The following PNMA6F variants were observed in gnomAD, a reference collection of about 807,000 sequenced individuals.
PNMA6F encodes PNMA family member 6F.
For missense variants in PNMA6F, 57 were observed against 10.8 expected, an observed-to-expected ratio of 5.25 and a Z score of -5.98; for synonymous variants, 14 against 3.4, an observed-to-expected ratio of 4.15 and a Z score of -3.45.
At position 153,320,215 on chromosome X, in the gene PNMA6F, C is replaced by T; in HGVS notation, c.460G>A (p.Gly154Ser). Reference sequence around the variant, plus strand: ...CCTGCTGCTCCTGCCTCACCTACACCTCCTGCCTCACCTATACCTCCTGCC... The same window carrying T: ...CCTGCTGCTCCTGCCTCACCTACACTTCCTGCCTCACCTATACCTCCTGCC... The part of the protein sequence containing the change: ...DEAGGIGEAG[G>S]VGEAGAAGEA... The change falls in exon 2 of 2, where the codon GGT becomes AGT. Residue 154 changes from glycine to serine, a missense_variant. Coordinates refer to ENST00000436629, the MANE Select transcript of PNMA6F (RefSeq NM_001354980.2). The T allele has an allele frequency of 2.9e-6, 1 of 346,815 alleles. No individual in the cohort carries two copies. Among genetic ancestry groups the T allele is most frequent in the Non-Finnish European group, 4.9e-6 (1 of 202,466 alleles). 28.6% of individuals were successfully genotyped at this position (346,815 alleles called of 1,213,427 possible).
In PNMA6F at chrX:153,320,599, A is replaced by C. The variant is rs1177209278; in HGVS notation, c.76T>G (p.Cys26Gly). The C allele has an allele frequency of 3.4e-6, 1 of 295,726 alleles. No homozygotes were observed. Among genetic ancestry groups the C allele is most frequent in the African/African-American group, 2.8e-5 (1 of 36,206 alleles). The allele number at this position is 295,726 out of a possible 1,213,427, so 24.4% of individuals were successfully genotyped here. A position where few individuals can be genotyped will look rare whatever the true frequency, so the allele number is the denominator to read the frequency against. ...GCCTCCTGGAACTCATGTTCCTCGC[A>C]GTCGTCAGGGATATCCAGGATGAGC... ...SLLILDIPDD[C>G]EEHEFQEAVR... is the part of the protein sequence containing the mutation. Residue 26 changes from cysteine (C) to glycine (G), a missense_variant, in exon 2 of 2, where the codon TGC (cysteine) becomes GGC (glycine). Cys to Gly is a radical substitution (Grantham distance 159). Coordinates refer to ENST00000436629, the MANE Select transcript of PNMA6F (RefSeq NM_001354980.2).
rs1407404206 is a variant in PNMA6F at position 153,319,657 on chromosome X, G to A, written c.1018C>T (p.Arg340Trp). The change falls in exon 2 of 2, where the codon CGG becomes TGG. Residue 340 changes from arginine (R) to tryptophan (W), a missense_variant. Coordinates refer to ENST00000436629, the MANE Select transcript of PNMA6F (RefSeq NM_001354980.2). ...TGCGTGCAGGTCAGGAACTTCATCCGCGAGGTCATCCATGTATCCCGGCTC... is the reference window on the plus strand; with the variant it reads ...TGCGTGCAGGTCAGGAACTTCATCCACGAGGTCATCCATGTATCCCGGCTC... The part of the protein sequence containing the change: ...FRSRDTWMTS[R>W]MKFLTCTQGP... 6 of 297,037 alleles carry A rather than the reference G, an allele frequency of 2.0e-5. No individual in the cohort carries two copies. The highest frequency in any genetic ancestry group is 4.8e-5 in the East Asian group (1 of 21,017). 24.5% of individuals were successfully genotyped at this position (297,037 alleles called of 1,213,427 possible).
rs1318954631 is a variant in PNMA6F, at chrX:153,319,895, C to T, written c.780G>A (p.Glu260=). The T allele has an allele frequency of 3.3e-6, 1 of 303,775 alleles. No homozygotes were observed. Among genetic ancestry groups the T allele is most frequent in the East Asian group, 4.7e-5 (1 of 21,111 alleles). 25.0% of individuals were successfully genotyped at this position (303,775 alleles called of 1,213,427 possible). The change falls in exon 2 of 2, where the codon GAG becomes GAA. Residue 260 remains glutamate (E), a synonymous_variant. Transcript: ENST00000436629. The part of the protein sequence containing the change: ...YRELRPFSGR[E]QPGCVEESFE... The stretch of plus-strand genomic sequence containing the variant: ...AGGACTCTTCCACGCAGCCTGGCTG[C>T]TCCCTCCCGGAAAAGGGTCTCAGTT...
Position 153,320,247 on chromosome X carries a change from T to C in PNMA6F, c.428A>G (p.Glu143Gly). ...GGVNEERSAG[E>G]DEAGGIGEAG... is the part of the protein sequence containing the mutation. ...CTCACCTATACCTCCTGCCTCATCT[T>C]CACCTGCAGATCTTTCCTCATTCAC... is the stretch of plus-strand genomic sequence containing the variant. Residue 143 changes from glutamate (E) to glycine (G), a missense_variant, in exon 2 of 2, where the codon GAA becomes GGA. Glu to Gly is a moderately conservative substitution (Grantham distance 98). Coordinates refer to ENST00000436629, the MANE Select transcript of PNMA6F (RefSeq NM_001354980.2). The C allele has an allele frequency of 3.0e-6, 1 of 328,902 alleles. No individual in the cohort carries two copies. Among genetic ancestry groups the C allele is most frequent in the Middle Eastern group, 8.2e-4 (1 of 1,224 alleles). 27.1% of individuals were successfully genotyped at this position (328,902 alleles called of 1,213,427 possible).
Position 153,318,314 on chromosome X carries a change from C to G in PNMA6F, c.*624G>C, listed in dbSNP as rs1428957262. On this transcript the variant is annotated 3_prime_UTR_variant, in exon 2 of 2. Transcript: ENST00000436629. Reference sequence around the variant, plus strand: ...GGAGCTGCTCAGAGAAGAACACACACAGCTCCACGAGAACAAGCAGCCCCT... The same window carrying G: ...GGAGCTGCTCAGAGAAGAACACACAGAGCTCCACGAGAACAAGCAGCCCCT... The G allele has an allele frequency of 8.2e-6, 1 of 121,652 alleles. No individual in the cohort carries two copies. The highest frequency in any genetic ancestry group is 1.9e-5 in the Non-Finnish European group (1 of 52,862). 10.0% of individuals were successfully genotyped at this position (121,652 alleles called of 1,213,427 possible).
rs2051978239 is a variant in PNMA6F, at chrX:153,319,303, G to A, written c.1372C>T (p.Gln458Ter). Residue 458 changes from glutamine (Q) to a stop codon, truncating the protein, a stop_gained, in exon 2 of 2, where the codon CAG becomes TAG. Coordinates refer to ENST00000436629, the MANE Select transcript of PNMA6F (RefSeq NM_001354980.2). LOFTEE classifies it low-confidence loss of function (END_TRUNC). The stretch of plus-strand genomic sequence containing the variant: ...GGATCAGCCTCGCTGGCGTCCCCCT[G>A]GGCCGGGGAGGCCTGGGCAGCAGCT... ...DPAAAQASPA[Q>*]GDASEADPGA... is the part of the protein sequence containing the mutation. 1 of 297,244 alleles carries A rather than the reference G, an allele frequency of 3.4e-6. No homozygotes were observed. The highest frequency in any genetic ancestry group is 2.7e-5 in the African/African-American group (1 of 36,861). The allele number at this position is 297,244 out of a possible 1,213,427, so 24.5% of individuals were successfully genotyped here. A position where few individuals can be genotyped will look rare whatever the true frequency, so the allele number is the denominator to read the frequency against.
In PNMA6F at chrX:153,319,368, C is replaced by A. The variant is rs1416597175; in HGVS notation, c.1307G>T (p.Gly436Val). ...WAASLARSQQGVAWAAAPVES... is the reference protein window; with the variant it reads ...WAASLARSQQVVAWAAAPVES... Reference sequence around the variant, plus strand: ...CACTGGGGCCGCTGCCCAGGCCACACCCTGCTGGCTCCTTGCTAGGGAGGC... The same window carrying A: ...CACTGGGGCCGCTGCCCAGGCCACAACCTGCTGGCTCCTTGCTAGGGAGGC... Residue 436 changes from glycine (G) to valine (V), a missense_variant, in exon 2 of 2, where the codon GGT becomes GTT. Gly to Val is a moderately radical substitution (Grantham distance 109, BLOSUM62 -3). Transcript: ENST00000436629. The A allele has an allele frequency of 3.4e-6, 1 of 297,042 alleles. No homozygotes were observed. The highest frequency in any genetic ancestry group is 2.7e-5 in the African/African-American group (1 of 36,789). The allele number at this position is 297,042 out of a possible 1,213,427, so 24.5% of individuals were successfully genotyped here.
rs1180362744 is a variant in PNMA6F at position 153,320,620 on chromosome X, T to C, written c.55A>G (p.Ile19Val). Residue 19 changes from isoleucine (I) to valine (V), a missense_variant, in exon 2 of 2, where the codon ATC (isoleucine) becomes GTC (valine). By Grantham distance (29) the Ile-to-Val change is conservative. Transcript: ENST00000436629. ...MGVNAERSLL[I>V]LDIPDDCEEH... ...TCGCAGTCGTCAGGGATATCCAGGA[T>C]GAGCAGAGAGCGCTCTGCGTTCACA... is the stretch of plus-strand genomic sequence containing the variant. 1 of 295,767 alleles carries C rather than the reference T, an allele frequency of 3.4e-6. No individual in the cohort carries two copies. 24.4% of individuals were successfully genotyped at this position (295,767 alleles called of 1,213,427 possible). A position where few individuals can be genotyped will look rare whatever the true frequency, so the allele number is the denominator to read the frequency against.
At position 153,318,705 on chromosome X, in the gene PNMA6F, G is replaced by A. The variant is rs888396362; in HGVS notation, c.*233C>T. On this transcript the variant is annotated 3_prime_UTR_variant, in exon 2 of 2. Transcript: ENST00000436629. ...CCCAACACAGGACAAGGGGTGGGGG[G>A]CAGACATCTTCAGGCTGGCCGCTCA... 7 of 272,191 alleles carry A rather than the reference G, an allele frequency of 2.6e-5. No individual in the cohort carries two copies. Among genetic ancestry groups the A allele is most frequent in the African/African-American group, 1.4e-4 (5 of 36,335 alleles). The allele number at this position is 272,191 out of a possible 1,213,427, so 22.4% of individuals were successfully genotyped here.
At position 153,317,922 on chromosome X, in the gene PNMA6F, G is replaced by A. The variant is rs4828767; in HGVS notation, c.*1016C>T. On this transcript the variant is annotated 3_prime_UTR_variant, in exon 2 of 2. Transcript: ENST00000436629. Reference sequence around the variant, plus strand: ...AGGGTCCGCCTCTTGCCAGGATGGTGGACTCTGGCAGTGTCCACTGGCTTC... The same window carrying A: ...AGGGTCCGCCTCTTGCCAGGATGGTAGACTCTGGCAGTGTCCACTGGCTTC... 0.14 allele frequency: 12,861 copies of A among 94,630 alleles called. 1,994 individuals carry two copies. Among genetic ancestry groups the A allele is most frequent in the Non-Finnish European group, 0.19 (7,661 of 39,736 alleles). The allele number at this position is 94,630 out of a possible 1,213,427, so 7.8% of individuals were successfully genotyped here. A position where few individuals can be genotyped will look rare whatever the true frequency, so the allele number is the denominator to read the frequency against.
In PNMA6F at chrX:153,319,359, C is replaced by G. The variant is rs2124188766; in HGVS notation, c.1316G>C (p.Trp439Ser). The G allele has an allele frequency of 6.7e-6, 2 of 297,045 alleles. No individual in the cohort carries two copies. Among genetic ancestry groups the G allele is most frequent in the Middle Eastern group, 8.8e-4 (1 of 1,133 alleles). The allele number at this position is 297,045 out of a possible 1,213,427, so 24.5% of individuals were successfully genotyped here. A position where few individuals can be genotyped will look rare whatever the true frequency, so the allele number is the denominator to read the frequency against. ...SLARSQQGVA[W>S]AAAPVESEDP... ...TTCACTCTCCACTGGGGCCGCTGCC[C>G]AGGCCACACCCTGCTGGCTCCTTGC... The change falls in exon 2 of 2, where the codon TGG becomes TCG. Residue 439 changes from tryptophan to serine, a missense_variant. Physicochemically the swap from Trp to Ser is radical, Grantham distance 177. Transcript: ENST00000436629.
chrX:153,318,940 AT>A lies in PNMA6F; in HGVS notation c.1734del (p.Lys578AsnfsTer4), dbSNP rs1569527422. 2 of 298,905 alleles carry A rather than the reference AT, an allele frequency of 6.7e-6. No individual in the cohort carries two copies. Among genetic ancestry groups the A allele is most frequent in the African/African-American group, 2.7e-5 (1 of 36,873 alleles). The allele number at this position is 298,905 out of a possible 1,213,427, so 24.6% of individuals were successfully genotyped here. A position where few individuals can be genotyped will look rare whatever the true frequency, so the allele number is the denominator to read the frequency against. On this transcript the variant is annotated frameshift_variant, in exon 2 of 2. Coordinates refer to ENST00000436629, the MANE Select transcript of PNMA6F (RefSeq NM_001354980.2). LOFTEE classifies it high-confidence loss of function. ...EAGKPKSPPG[K>X] ...GGAGCCCTCAGGGCCCTCAGAGCCTATTTGCCCGGGGGGGACTTGGGCTTGC... is the reference window on the plus strand; with the variant it reads ...GGAGCCCTCAGGGCCCTCAGAGCCTATTGCCCGGGGGGGACTTGGGCTTGC...
In PNMA6F at chrX:153,318,923, C is replaced by G. The variant is rs1325636718; in HGVS notation, c.*15G>C. On this transcript the variant is annotated 3_prime_UTR_variant, in exon 2 of 2. Coordinates refer to ENST00000436629, the MANE Select transcript of PNMA6F (RefSeq NM_001354980.2). ...TGCTGCCTGAGAGGAGAGGAGCCCT[C>G]AGGGCCCTCAGAGCCTATTTGCCCG... 5 of 298,819 alleles carry G rather than the reference C, an allele frequency of 1.7e-5. No homozygotes were observed. The highest frequency in any genetic ancestry group is 2.9e-5 in the Non-Finnish European group (5 of 171,303). 24.6% of individuals were successfully genotyped at this position (298,819 alleles called of 1,213,427 possible).
rs1365472694 is a variant in PNMA6F at position 153,319,119 on chromosome X, C to G, written c.1556G>C (p.Ser519Thr). Residue 519 changes from serine to threonine, a missense_variant, in exon 2 of 2, where the codon AGT becomes ACT. By Grantham distance (58) the Ser-to-Thr change is moderately conservative. Coordinates refer to ENST00000436629, the MANE Select transcript of PNMA6F (RefSeq NM_001354980.2). Reference sequence around the variant, plus strand: ...ACCTCCTGGGGCCATGTCGACTGCACTGCCCATCCTGGCTGGGAGGCCCCC... The same window carrying G: ...ACCTCCTGGGGCCATGTCGACTGCAGTGCCCATCCTGGCTGGGAGGCCCCC... ...APGGLPARMG[S>T]AVDMAPGGPS... The G allele has an allele frequency of 6.7e-6, 2 of 298,484 alleles. No individual in the cohort carries two copies. The highest frequency in any genetic ancestry group is 1.2e-5 in the Non-Finnish European group (2 of 170,920). The allele number at this position is 298,484 out of a possible 1,213,427, so 24.6% of individuals were successfully genotyped here. A position where few individuals can be genotyped will look rare whatever the true frequency, so the allele number is the denominator to read the frequency against.
At chrX:153,320,846 C>A in intron 1 of PNMA6F, 89 bp from the exon 2 acceptor site, 1 of 285,082 alleles carries the variant, frequency 3.5e-6, no homozygotes, top group Non-Finnish European at 6.1e-6. Flanking sequence ...CCAAGCACTG[C>A]AGCAGCCAGG....
chrX:153,320,936 C>T (rs1385117474), intron 1 of PNMA6F, among the ~76,000 whole-genome samples, 179 bp from the exon 2 acceptor site: 1 of 107,967 alleles, frequency 9.3e-6, no homozygotes, highest in African/African-American at 3.4e-5. Flanking sequence ...CCTTGGCACA[C>T]ACCCACCACC....
At position 153,319,086 on chromosome X, in the gene PNMA6F, C is replaced by T. The variant is rs782233913; in HGVS notation, c.1589G>A (p.Trp530Ter). 63 of 304,145 alleles carry T rather than the reference C, an allele frequency of 2.1e-4. No homozygotes were observed. In the South Asian group the frequency reaches 9.1e-3, roughly 44 times the overall value. 25.1% of individuals were successfully genotyped at this position (304,145 alleles called of 1,213,427 possible). The stretch of plus-strand genomic sequence containing the variant: ...AACCTGGACAAGGCCCTCTGGCTCC[C>T]AGCTGGGACCTCCTGGGGCCATGTC... ...AVDMAPGGPS[W>*]EPEGLVQVGG... Residue 530 changes from tryptophan (W) to a stop codon, truncating the protein, a stop_gained, in exon 2 of 2, where the codon TGG becomes TAG. Transcript: ENST00000436629. LOFTEE classifies it low-confidence loss of function (END_TRUNC).
Position 153,318,100 on chromosome X carries a change from C to T in PNMA6F, c.*838G>A, listed in dbSNP as rs181036339. ...TAGAACACCAAAGCACAAAGCTCCC[C>T]GGGGAGCCTCAGGCAGGGCAGCTCT... is the stretch of plus-strand genomic sequence containing the variant. On this transcript the variant is annotated 3_prime_UTR_variant, in exon 2 of 2. Coordinates refer to ENST00000436629, the MANE Select transcript of PNMA6F (RefSeq NM_001354980.2). The T allele has an allele frequency of 1.0e-3, 119 of 117,054 alleles. No individual in the cohort carries two copies. Among genetic ancestry groups the T allele is most frequent in the African/African-American group, 3.7e-3 (115 of 30,804 alleles). The allele number at this position is 117,054 out of a possible 1,213,427, so 9.6% of individuals were successfully genotyped here.
At chrX:153,321,516 C>G (rs782082254) in intron 1 of PNMA6F, 36 bp downstream of exon 1, 1 of 103,540 alleles carries the variant, frequency 9.7e-6, no homozygotes, top group Non-Finnish European at 2.0e-5. Context: ...CCAGGGCGCC[C>G]GCGGTCACTC....
Sources: gnomAD v4.1 joint callset for allele counts (sites outside exome capture counted in the v4.1 genomes callset) on GRCh38, gnomAD v4.1.1 for gene constraint, MANE v1.5 for transcripts, NCBI Gene and HGNC (gene_info 2026-07-23, HGNC 2026-07-21) for gene names.